The following MGMT variants were observed in gnomAD, a reference collection of about 807,000 sequenced individuals.
MGMT encodes the protein O-6-methylguanine-DNA methyltransferase.
In MGMT, 14 loss-of-function variants were observed where a neutral mutation model predicts 15.9. That is an observed-to-expected ratio of 0.88 (90% confidence interval 0.58 to 1.37). MGMT has a LOEUF of 1.37. Ranked by LOEUF, MGMT falls within the 40% of genes most tolerant of loss-of-function variation. The pLI, the probability that MGMT is intolerant of heterozygous loss-of-function variation, is 0.00. For synonymous variants in MGMT, 130 were observed against 118.2 expected (o/e 1.10, Z -0.65); for missense variants, 282 against 268.1 (o/e 1.05, Z -0.36).
intron 2 of MGMT, among the ~76,000 whole-genome samples, chr10:129,544,988 A>C: frequency 6.6e-6 from 1 of 152,098 alleles, no homozygotes; most frequent in East Asian, 1.9e-4. Context: ...AGGGACTGGC[A>C]CCTGTGGAAT....
chr10:129,731,502 C>CAGG lies in MGMT; in HGVS notation c.274+23459_274+23460insAGG, dbSNP rs1160711133. On this transcript the variant is annotated intron_variant, in intron 3 of 4. Transcript: ENST00000651593. Reference sequence around the variant, plus strand: ...CTCAGCTTCATACACCCTGCATATGCCGGCTGCCTCCTCAAGCAGTACAGC... The same window carrying CAGG: ...CTCAGCTTCATACACCCTGCATATGCAGGCGGCTGCCTCCTCAAGCAGTACAGC... 2.8e-4 allele frequency among the ~76,000 whole-genome samples: 42 copies of CAGG among 151,752 alleles called. No individual in the cohort carries two copies. In the East Asian group the frequency reaches 7.8e-3, roughly 28 times the overall value.
intron 2 of MGMT, among the ~76,000 whole-genome samples, chr10:129,688,383 C>G: frequency 6.6e-6 from 1 of 152,206 alleles, no homozygotes. Flanking sequence ...GATCGCCATT[C>G]TAACTGGTGT....
At chr10:129,763,440 T>C (rs560628032) in intron 4 of MGMT, among the ~76,000 whole-genome samples, 1 of 152,338 alleles carries the variant, frequency 6.6e-6, no homozygotes, top group African/African-American at 2.4e-5. Context: ...CATCACAGCA[T>C]GCTAAGGTGA....
chr10:129,709,732 A>G (rs1848209039), intron 3 of MGMT, among the ~76,000 whole-genome samples: 1 of 152,198 alleles, frequency 6.6e-6, no homozygotes, highest in South Asian at 2.1e-4. Context: ...CAAAAGTTCC[A>G]TGAAAATCGT....
chr10:129,507,118 C>T (rs540774012), intron 1 of MGMT, among the ~76,000 whole-genome samples: 7 of 152,190 alleles, frequency 4.6e-5, no homozygotes, highest in African/African-American at 1.2e-4. Flanking sequence ...AATGTTCCTG[C>T]GACGACCAGT....
chr10:129,602,931 A>G (rs1403332120), intron 2 of MGMT, among the ~76,000 whole-genome samples: 2 of 152,204 alleles, frequency 1.3e-5, no homozygotes, highest in African/African-American at 2.4e-5. Flanking sequence ...TAGCATGTGG[A>G]TACCGAGGTT....
At chr10:129,475,316 GC>G (rs1845278672) in intron 1 of MGMT, among the ~76,000 whole-genome samples, 1 of 152,086 alleles carries the variant, frequency 6.6e-6, no homozygotes, top group Non-Finnish European at 1.5e-5. Context: ...TTAAAGTCAT[GC>G]CAGCAGGGCA....
intron 3 of MGMT, among the ~76,000 whole-genome samples, chr10:129,731,095 G>T (rs1046298878): frequency 6.6e-6 from 1 of 152,174 alleles, no homozygotes; most frequent in African/African-American, 2.4e-5. Flanking sequence ...CATTTCCGAG[G>T]GCTGGTAGCA....
At chr10:129,510,961 C>T (rs1423106166) in intron 1 of MGMT, among the ~76,000 whole-genome samples, 1 of 148,862 alleles carries the variant, frequency 6.7e-6, no homozygotes, top group Non-Finnish European at 1.5e-5. Context: ...GATGCAGCCA[C>T]GTGCTTTCCG....
chr10:129,530,820 G>A (rs1156634525), intron 1 of MGMT, among the ~76,000 whole-genome samples: 2 of 152,234 alleles, frequency 1.3e-5, no homozygotes, highest in Non-Finnish European at 2.9e-5. Context: ...CTCGTGGCGG[G>A]TGCCTTCACC....
intron 2 of MGMT, among the ~76,000 whole-genome samples, chr10:129,565,910 C>G (rs1054147490): frequency 1.3e-5 from 2 of 152,040 alleles, no homozygotes; most frequent in African/African-American, 4.8e-5. Context: ...GGGCTTGGAC[C>G]GGAGCGTCTT....
intron 2 of MGMT, among the ~76,000 whole-genome samples, chr10:129,668,962 A>G (rs1233879632): frequency 6.6e-6 from 1 of 152,168 alleles, no homozygotes; most frequent in East Asian, 1.9e-4. Flanking sequence ...CTTTCCCTAC[A>G]GAAGTCTTGC....
At position 129,556,432 on chromosome 10, in the gene MGMT, T is replaced by C. The variant is rs1045862868; in HGVS notation, c.125+20055T>C. Among the ~76,000 whole-genome samples the C allele has an allele frequency of 6.6e-6, 1 of 152,178 alleles. No homozygotes were observed. The highest frequency in any genetic ancestry group is 1.5e-5 in the Non-Finnish European group (1 of 68,036). ...AGGACCCTGGGAGAAGGCTGCCTTC[T>C]GCAAGCCAAGGAGAGAGCGCCTTGG... is the stretch of plus-strand genomic sequence containing the variant. On this transcript the variant is annotated intron_variant, in intron 2 of 4. Transcript: ENST00000651593. The surrounding 1 kb of genome is among the most constrained non-coding windows in gnomAD (Gnocchi z 4.3).
At chr10:129,501,552 G>T (rs956200828) in intron 1 of MGMT, among the ~76,000 whole-genome samples, 23 of 152,146 alleles carry the variant, frequency 1.5e-4, no homozygotes, top group African/African-American at 5.3e-4. Context: ...TATCTGCCTT[G>T]TGGATTTATG....
chr10:129,542,815 C>G (rs1393463155), intron 2 of MGMT, among the ~76,000 whole-genome samples: 1 of 152,178 alleles, frequency 6.6e-6, no homozygotes, highest in African/African-American at 2.4e-5. Flanking sequence ...CCTGCTGGCT[C>G]TGCGATTCCA....
intron 1 of MGMT, among the ~76,000 whole-genome samples, chr10:129,513,077 G>A (rs1845701929): frequency 6.6e-6 from 1 of 152,184 alleles, no homozygotes; most frequent in African/African-American, 2.4e-5. Context: ...CTTAGAAAGG[G>A]TGGGAATTCT....
At chr10:129,491,072 A>G (rs746670737) in intron 1 of MGMT, among the ~76,000 whole-genome samples, 5 of 152,064 alleles carry the variant, frequency 3.3e-5, no homozygotes, top group African/African-American at 4.8e-5. Flanking sequence ...TGTTTGTGTC[A>G]CCGTGCCCCA....
At chr10:129,681,809 C>A (rs1847856179) in intron 2 of MGMT, among the ~76,000 whole-genome samples, 1 of 152,028 alleles carries the variant, frequency 6.6e-6, no homozygotes, top group South Asian at 2.1e-4. Flanking sequence ...CAGCATATAC[C>A]GAGGAACAAC....
At chr10:129,487,912 G>GGTGTGTGT (rs145304551) in intron 1 of MGMT, among the ~76,000 whole-genome samples, 5 of 137,606 alleles carry the variant, frequency 3.6e-5, no homozygotes, top group Admixed American at 1.4e-4. Flanking sequence ...ACCATATAGG[G>GGTGTGTGT]GTGTGTGTGT....
Sources: allele counts gnomAD v4.1 joint callset (sites outside exome capture counted in the v4.1 genomes callset), GRCh38; gene constraint gnomAD v4.1.1; non-coding constraint Gnocchi (gnomAD v3.1); transcripts MANE v1.5; gene names NCBI Gene and HGNC (gene_info 2026-07-23, HGNC 2026-07-21).